PDGFRL: variants seen among roughly 807,000 people sequenced by gnomAD.
PDGFRL encodes platelet derived growth factor receptor like.
In PDGFRL, 46 loss-of-function variants were observed where a neutral mutation model predicts 37.2. The observed-to-expected ratio is 1.24, with a 90% confidence interval of 0.98 to 1.58. PDGFRL has a LOEUF of 1.58. Among genes scored for constraint, PDGFRL ranks in the 40% most tolerant of loss-of-function variants. The pLI, the probability that PDGFRL is intolerant of heterozygous loss-of-function variation, is 0.00. For missense variants in PDGFRL, 692 were observed against 467.6 expected, an observed-to-expected ratio of 1.48 and a Z score of -4.43; for synonymous variants, 251 against 184.3, an observed-to-expected ratio of 1.36 and a Z score of -2.93.
At chr8:17,580,087 T>G (rs1407929453) in intron 1 of PDGFRL, among the ~76,000 whole-genome samples, 1 of 152,210 alleles carries the variant, frequency 6.6e-6, no homozygotes, top group Non-Finnish European at 1.5e-5. Flanking sequence ...TAATATTGAT[T>G]TGTGCAACGA....
intron 2 of PDGFRL, among the ~76,000 whole-genome samples, chr8:17,616,858 G>C (rs959435189): frequency 2.0e-5 from 3 of 152,134 alleles, no homozygotes; most frequent in Non-Finnish European, 2.9e-5. Context: ...TGTAACCCAA[G>C]GCTCACCCTT....
At chr8:17,611,673 A>G (rs1205535098) in intron 2 of PDGFRL, among the ~76,000 whole-genome samples, 4 of 152,202 alleles carry the variant, frequency 2.6e-5, no homozygotes, top group Admixed American at 2.6e-4. Flanking sequence ...AGAGCAAAGG[A>G]GCTGGAATAC....
At chr8:17,636,522 T>C (rs918099341) in intron 5 of PDGFRL, among the ~76,000 whole-genome samples, 2 of 151,920 alleles carry the variant, frequency 1.3e-5, no homozygotes, top group African/African-American at 4.8e-5. Flanking sequence ...GGCCTTATAG[T>C]ATAGTTTGAA....
intron 1 of PDGFRL, among the ~76,000 whole-genome samples, chr8:17,579,642 C>A (rs530554278): frequency 2.0e-5 from 3 of 151,784 alleles, no homozygotes; most frequent in African/African-American, 7.2e-5. Flanking sequence ...TCTTAGCTCA[C>A]TGCGACTTCC....
chr8:17,613,253 G>C (rs1247159261), intron 2 of PDGFRL, among the ~76,000 whole-genome samples: 1 of 152,154 alleles, frequency 6.6e-6, no homozygotes, highest in East Asian at 1.9e-4. Flanking sequence ...TCGCTGGTGT[G>C]TCAGGTATGG....
At chr8:17,595,848 C>T (rs1804041166) in intron 2 of PDGFRL, among the ~76,000 whole-genome samples, 1 of 152,204 alleles carries the variant, frequency 6.6e-6, no homozygotes, top group Non-Finnish European at 1.5e-5. Flanking sequence ...GAGCCACCTC[C>T]CAACAGCCTG....
intron 2 of PDGFRL, among the ~76,000 whole-genome samples, chr8:17,602,238 A>G (rs910115855): frequency 6.6e-6 from 1 of 152,168 alleles, no homozygotes; most frequent in Non-Finnish European, 1.5e-5. Flanking sequence ...GGCCATGTGT[A>G]TGTCTTCGAG....
intron 5 of PDGFRL, among the ~76,000 whole-genome samples, chr8:17,640,859 C>T (rs1003177707): frequency 4.6e-5 from 7 of 151,872 alleles, no homozygotes; most frequent in South Asian, 2.1e-4. Context: ...CCTTTGTCTT[C>T]GGCTACCAGG....
intron 5 of PDGFRL, among the ~76,000 whole-genome samples, chr8:17,639,138 A>C (rs1805040843): frequency 6.6e-6 from 1 of 152,130 alleles, no homozygotes. Flanking sequence ...CCTTTACCAT[A>C]AGTTTATGTT....
chr8:17,596,937 G>A (rs1160742616), intron 2 of PDGFRL, among the ~76,000 whole-genome samples: 2 of 152,208 alleles, frequency 1.3e-5, no homozygotes, highest in South Asian at 2.1e-4. Context: ...TTTTTCCGTA[G>A]AATGAGTTCT....
chr8:17,611,498 A>G (rs569402016), intron 2 of PDGFRL, among the ~76,000 whole-genome samples: 1 of 152,304 alleles, frequency 6.6e-6, no homozygotes, highest in South Asian at 2.1e-4. Flanking sequence ...CTCCTTGGGA[A>G]TAGGACCCTG....
intron 5 of PDGFRL, among the ~76,000 whole-genome samples, chr8:17,638,507 ATG>A (rs1184660437): frequency 3.3e-5 from 5 of 151,750 alleles, no homozygotes; most frequent in Non-Finnish European, 7.4e-5. Flanking sequence ...GATGAATAGA[ATG>A]TATATTCTGC....
intron 4 of PDGFRL, 133 bp from the exon 5 acceptor site, chr8:17,633,941 T>G: frequency 1.1e-6 from 1 of 895,382 alleles, no homozygotes; most frequent in Non-Finnish European, 1.9e-6. Context: ...GCTCACACTG[T>G]CCTCGCACTG....
intron 1 of PDGFRL, among the ~76,000 whole-genome samples, chr8:17,586,877 A>G (rs1302297160): frequency 1.3e-5 from 2 of 152,230 alleles, no homozygotes; most frequent in East Asian, 3.8e-4. Context: ...GAAGCTAGTA[A>G]TGATATTTAA....
chr8:17,591,571 C>A (rs890664594), intron 2 of PDGFRL, among the ~76,000 whole-genome samples: 4 of 152,154 alleles, frequency 2.6e-5, no homozygotes, highest in African/African-American at 9.7e-5. Context: ...GATGGACTTA[C>A]AATGGAGAAA....
chr8:17,581,038 AT>A (rs1340831497), intron 1 of PDGFRL, among the ~76,000 whole-genome samples: 1 of 151,992 alleles, frequency 6.6e-6, no homozygotes, highest in Non-Finnish European at 1.5e-5. Flanking sequence ...TGCTAACTTG[AT>A]TACATTTGCA....
intron 5 of PDGFRL, among the ~76,000 whole-genome samples, chr8:17,635,616 C>G (rs1398722706): frequency 6.6e-6 from 1 of 152,028 alleles, no homozygotes; most frequent in Admixed American, 6.6e-5. Flanking sequence ...CATATTATGA[C>G]TTCTTTTCCT....
chr8:17,591,357 C>G (rs1803935775), intron 2 of PDGFRL, among the ~76,000 whole-genome samples: 1 of 152,124 alleles, frequency 6.6e-6, no homozygotes, highest in Non-Finnish European at 1.5e-5. Flanking sequence ...AAGAAAGAAA[C>G]ACGTGCTTCC....
At chr8:17,594,274 T>C (rs917519555) in intron 2 of PDGFRL, among the ~76,000 whole-genome samples, 7 of 152,216 alleles carry the variant, frequency 4.6e-5, no homozygotes, top group African/African-American at 1.7e-4. Context: ...GGAGTCTTGC[T>C]CTGTCACCCA....
Sources: gnomAD v4.1 joint callset for allele counts (sites outside exome capture counted in the v4.1 genomes callset) on GRCh38, gnomAD v4.1.1 for gene constraint, MANE v1.5 for transcripts, NCBI Gene and HGNC (gene_info 2026-07-23, HGNC 2026-07-21) for gene names.